USP34: variants seen among roughly 807,000 people sequenced by gnomAD.
USP34 encodes the protein ubiquitin carboxyl-terminal hydrolase 34.
In USP34, 70 loss-of-function variants were observed where a neutral mutation model predicts 460.3. The observed-to-expected ratio is 0.15, with a 90% CI of 0.13 to 0.19. The LOEUF is 0.19. Ranked by LOEUF, USP34 falls within the 10% of genes least tolerant of loss-of-function variation. The pLI is 1.00. For missense variants in USP34, 3,985 were observed against 4,236.2 expected (o/e 0.94, Z 1.65); for synonymous variants, 1,647 against 1,405.3 (o/e 1.17, Z -3.85).
intron 1 of USP34, among the ~76,000 whole-genome samples, chr2:61,460,096 C>CT (rs1344691384): frequency 1.3e-5 from 2 of 152,146 alleles, no homozygotes; most frequent in East Asian, 1.9e-4. Flanking sequence ...TTTATGTTGG[C>CT]TTTTTTTGAG....
chr2:61,218,372 T>C (rs1687464943), intron 67 of USP34, among the ~76,000 whole-genome samples: 1 of 151,222 alleles, frequency 6.6e-6, no homozygotes, highest in South Asian at 2.1e-4. Context: ...ATCCATGTGT[T>C]CACGCCACTG....
chr2:61,259,267 T>G (rs539321957), intron 44 of USP34, among the ~76,000 whole-genome samples: 1 of 151,824 alleles, frequency 6.6e-6, no homozygotes, highest in African/African-American at 2.4e-5. Flanking sequence ...TCAAAATAAA[T>G]AAATAAATAA....
At chr2:61,467,031 C>T (rs1264361331) in intron 1 of USP34, among the ~76,000 whole-genome samples, 5 of 152,044 alleles carry the variant, frequency 3.3e-5, no homozygotes, top group African/African-American at 9.7e-5. Context: ...CTTGGCCAGG[C>T]GCGGTGGCTC....
chr2:61,360,683 G>T (rs1304136482), intron 10 of USP34, among the ~76,000 whole-genome samples: 1 of 152,154 alleles, frequency 6.6e-6, no homozygotes, highest in Non-Finnish European at 1.5e-5. Context: ...TTGAGACAGG[G>T]TCTCATTTTG....
chr2:61,405,697 A>G lies in USP34; in HGVS notation c.552+11T>C, dbSNP rs1434732674. ...GTATTACTTAAAATTCACACCACCT[A>G]TTTTACATACCTCAATAGTAGGGTG... is the stretch of plus-strand genomic sequence containing the variant. On this transcript the variant is annotated intron_variant, in intron 3 of 79. Coordinates refer to ENST00000398571, the MANE Select transcript of USP34 (RefSeq NM_014709.4). The G allele has an allele frequency of 7.3e-6, 11 of 1,514,708 alleles. No individual in the cohort carries two copies. Among genetic ancestry groups the G allele is most frequent in the African/African-American group, 1.4e-5 (1 of 71,614 alleles). 93.8% of individuals were successfully genotyped at this position (1,514,708 alleles called of 1,614,324 possible).
At chr2:61,416,955 G>A (rs1694214965) in intron 2 of USP34, 1 of 1,265,852 alleles carries the variant, frequency 7.9e-7, no homozygotes, top group African/African-American at 1.5e-5. Context: ...AGCCATCTGG[G>A]ATGAGCCGCT....
At chr2:61,341,911 C>T (rs1277492144) in intron 16 of USP34, among the ~76,000 whole-genome samples, 6 of 151,574 alleles carry the variant, frequency 4.0e-5, no homozygotes, top group South Asian at 2.1e-4. Flanking sequence ...GACAGGTGCC[C>T]GCCATCACAC....
intron 1 of USP34, among the ~76,000 whole-genome samples, chr2:61,469,895 C>T (rs866075103): frequency 2.0e-5 from 3 of 152,074 alleles, no homozygotes; most frequent in Admixed American, 6.6e-5. Flanking sequence ...ATCAACGTAC[C>T]CTTTTTAATA....
At chr2:61,375,473 C>A (rs1692763939) in intron 8 of USP34, among the ~76,000 whole-genome samples, 1 of 151,980 alleles carries the variant, frequency 6.6e-6, no homozygotes, top group African/African-American at 2.4e-5. Flanking sequence ...TTATATTAAT[C>A]AAAAAGTAGA....
intron 1 of USP34, among the ~76,000 whole-genome samples, chr2:61,425,433 C>G (rs1399524274): frequency 6.6e-6 from 1 of 152,130 alleles, no homozygotes; most frequent in Non-Finnish European, 1.5e-5. Context: ...GTGCCTAGAG[C>G]CTCTCGGTGC....
In USP34 at chr2:61,348,723, T is replaced by C. The variant is rs376444796; in HGVS notation, c.1674+33A>G. The C allele has an allele frequency of 3.4e-5, 55 of 1,596,358 alleles. No homozygotes were observed. In the African/African-American group the frequency reaches 7.0e-4, roughly 20 times the overall value. On this transcript the variant is annotated intron_variant, in intron 14 of 79. Transcript: ENST00000398571. The stretch of plus-strand genomic sequence containing the variant: ...GATAAACACGCCAGAAAGCCAAAAA[T>C]GCCTATAAAAGAAGAAAAACCTATT...
chr2:61,359,920 G>A (rs564629936), intron 10 of USP34, among the ~76,000 whole-genome samples: 70 of 151,474 alleles, frequency 4.6e-4, no homozygotes, highest in Middle Eastern at 3.4e-3. Flanking sequence ...AAGTAGCTGG[G>A]ACTACAGGCG....
At chr2:61,257,168 A>T (rs1688744478) in intron 45 of USP34, 36 bp downstream of exon 45, 1 of 1,583,500 alleles carries the variant, frequency 6.3e-7, no homozygotes, top group African/African-American at 1.4e-5. Flanking sequence ...AATTTGTTCA[A>T]ATTTCAAAGA....
Position 61,347,946 on chromosome 2 carries a change from C to T in USP34, c.2209G>A (p.Glu737Lys), listed in dbSNP as rs1490162888. 7 of 1,613,954 alleles carry T rather than the reference C, an allele frequency of 4.3e-6. No homozygotes were observed. The highest frequency in any genetic ancestry group is 5.1e-6 in the Non-Finnish European group (6 of 1,180,038). The change falls in exon 15 of 80, where the codon GAA (glutamate) becomes AAA (lysine). Residue 737 changes from glutamate (E) to lysine (K), a missense_variant. By Grantham distance (56) the Glu-to-Lys change is moderately conservative (BLOSUM62 1). Around this residue, in one of 14 missense-constraint regions of USP34, gnomAD observed 716 missense variants for 626.2 expected, o/e 1.14. Coordinates refer to ENST00000398571, the MANE Select transcript of USP34 (RefSeq NM_014709.4). ...GDFLGETIGNELFNCRQFIGP... is the reference protein window; with the variant it reads ...GDFLGETIGNKLFNCRQFIGP... The stretch of plus-strand genomic sequence containing the variant: ...ATAAATTGTCGACAATTAAATAATT[C>T]ATTCCCAATAGTCTCCCCAAGGAAG...
intron 41 of USP34, among the ~76,000 whole-genome samples, chr2:61,277,297 T>C (rs541536338): frequency 5.2e-4 from 78 of 151,452 alleles, no homozygotes; most frequent in Non-Finnish European, 9.3e-4. Context: ...AGTGCAGTGG[T>C]GTGATCATGG....
At chr2:61,258,829 G>C (rs979930990) in intron 44 of USP34, among the ~76,000 whole-genome samples, 1 of 152,168 alleles carries the variant, frequency 6.6e-6, no homozygotes, top group African/African-American at 2.4e-5. Context: ...AAATCAGCTA[G>C]AAAGCTGCAA....
At chr2:61,211,141 G>C (rs1338577561) in intron 69 of USP34, among the ~76,000 whole-genome samples, 7 of 152,030 alleles carry the variant, frequency 4.6e-5, no homozygotes, top group African/African-American at 1.7e-4. Flanking sequence ...AGTAGCTTAA[G>C]ATATTACAGT....
intron 23 of USP34, among the ~76,000 whole-genome samples, chr2:61,317,343 A>G (rs1690780471): frequency 1.3e-5 from 2 of 152,174 alleles, no homozygotes; most frequent in Non-Finnish European, 2.9e-5. Context: ...CCTGAGTAAC[A>G]TGGTAAAACC....
At chr2:61,417,477 G>T in intron 2 of USP34, 1 of 262,702 alleles carries the variant, frequency 3.8e-6, no homozygotes, top group Non-Finnish European at 7.5e-6. Flanking sequence ...CACAGAGACT[G>T]ACCATAGTTA....
Sources: allele counts gnomAD v4.1 joint callset (sites outside exome capture counted in the v4.1 genomes callset), GRCh38; gene constraint gnomAD v4.1.1; regional missense constraint gnomAD v4.1.1; transcripts MANE v1.5; gene names NCBI Gene and HGNC (gene_info 2026-07-23, HGNC 2026-07-21).